The following B4GALNT3 variants were observed in gnomAD, a reference collection of about 807,000 sequenced individuals.
B4GALNT3 encodes the protein beta-1,4-N-acetyl-galactosaminyltransferase 3.
In B4GALNT3, 86 loss-of-function variants were observed where a neutral mutation model predicts 120.2. The observed-to-expected ratio is 0.72, with a 90% CI of 0.60 to 0.86. B4GALNT3 has a LOEUF of 0.86. Among genes scored for constraint, B4GALNT3 ranks in the 40% least tolerant of loss-of-function variants. B4GALNT3 has a pLI of 0.00. For synonymous variants in B4GALNT3, 518 were observed against 510.4 expected (o/e 1.01, Z -0.20); for missense variants, 1,167 against 1,298.9 (o/e 0.90, Z 1.56).
chr12:553,039 T>G, intron 13 of B4GALNT3, 155 bp from the exon 14 acceptor site: 1 of 1,074,876 alleles, frequency 9.3e-7, no homozygotes, highest in Non-Finnish European at 1.3e-6. Flanking sequence ...GTTGAGTACC[T>G]TGCCCAGGGT....
chr12:463,223 G>C (rs1447420969), intron 1 of B4GALNT3, among the ~76,000 whole-genome samples: 1 of 152,200 alleles, frequency 6.6e-6, no homozygotes, highest in East Asian at 1.9e-4. Context: ...TGGAAGAAGA[G>C]TATGGAGAGA....
At chr12:557,345 C>T (rs1017559136) in intron 15 of B4GALNT3, among the ~76,000 whole-genome samples, 1 of 152,040 alleles carries the variant, frequency 6.6e-6, no homozygotes, top group Non-Finnish European at 1.5e-5. Context: ...GACAATGAGC[C>T]CCAGCCAAGG....
intron 2 of B4GALNT3, among the ~76,000 whole-genome samples, 189 bp from the exon 3 acceptor site, chr12:536,029 A>G (rs1174851920): frequency 6.6e-6 from 1 of 152,210 alleles, no homozygotes; most frequent in Non-Finnish European, 1.5e-5. Context: ...AAAATTCAGA[A>G]AAGTGAAGGA....
At chr12:547,691 A>C (rs1161297540) in intron 7 of B4GALNT3, among the ~76,000 whole-genome samples, 1 of 152,064 alleles carries the variant, frequency 6.6e-6, no homozygotes, top group Non-Finnish European at 1.5e-5. Flanking sequence ...CTCCTCTACG[A>C]ACAAGGATTA....
At chr12:528,952 G>A (rs1327532238) in intron 1 of B4GALNT3, among the ~76,000 whole-genome samples, 1 of 152,126 alleles carries the variant, frequency 6.6e-6, no homozygotes, top group East Asian at 1.9e-4. Context: ...TTGAGTGTCT[G>A]GTGACAGTTC....
chr12:543,640 C>T (rs111395775), intron 3 of B4GALNT3, among the ~76,000 whole-genome samples: 71 of 35,474 alleles, frequency 2.0e-3, no homozygotes, highest in South Asian at 5.7e-3. Flanking sequence ...CTCATCTTCC[C>T]GGAGCTGAGG....
intron 2 of B4GALNT3, 50 bp from the exon 3 acceptor site, chr12:536,168 G>A: frequency 6.6e-7 from 1 of 1,523,638 alleles, no homozygotes; most frequent in Non-Finnish European, 9.1e-7. Context: ...CCTGCCCGTA[G>A]CTTCTCATCC....
chr12:482,740 A>C (rs1946253789), intron 1 of B4GALNT3, among the ~76,000 whole-genome samples: 1 of 152,162 alleles, frequency 6.6e-6, no homozygotes, highest in Non-Finnish European at 1.5e-5. Flanking sequence ...ACACACCTAT[A>C]GTTCCGGCTA....
chr12:485,412 C>T (rs952230500), intron 1 of B4GALNT3, among the ~76,000 whole-genome samples: 1 of 152,228 alleles, frequency 6.6e-6, no homozygotes, highest in East Asian at 1.9e-4. Flanking sequence ...CATTTTCTAT[C>T]TCTACTTGGA....
intron 3 of B4GALNT3, among the ~76,000 whole-genome samples, chr12:539,091 G>T (rs915548864): frequency 1.3e-5 from 2 of 152,186 alleles, no homozygotes; most frequent in African/African-American, 4.8e-5. Flanking sequence ...CTGTTTCCCT[G>T]CCCCGAGCTT....
chr12:465,421 A>G (rs565554559), intron 1 of B4GALNT3, among the ~76,000 whole-genome samples: 1 of 152,328 alleles, frequency 6.6e-6, no homozygotes, highest in Non-Finnish European at 1.5e-5. Flanking sequence ...ATCCAAGAAT[A>G]GAACCTAGGA....
chr12:533,567 A>G lies in B4GALNT3; in HGVS notation c.170-1599A>G, dbSNP rs76021244. On this transcript the variant is annotated intron_variant, in intron 1 of 19. Coordinates refer to ENST00000266383, the MANE Select transcript of B4GALNT3 (RefSeq NM_173593.4). ...TATGCCAGAAAGTGACTACAGGAGA[A>G]ATGTGGGCAGAATGAGAAAACCTGG... Among the ~76,000 whole-genome samples, 1,258 of 152,324 alleles carry G rather than the reference A, an allele frequency of 8.3e-3. 14 individuals are homozygous for G. Among genetic ancestry groups the G allele is most frequent in the Non-Finnish European group, 0.012 (849 of 68,032 alleles).
Position 462,425 on chromosome 12 carries a change from G to A in B4GALNT3, c.169+1880G>A, listed in dbSNP as rs535519666. 3.2e-4 allele frequency among the ~76,000 whole-genome samples: 47 copies of A among 149,056 alleles called. 1 individual carries two copies. In the South Asian group the frequency reaches 0.01, roughly 32 times the overall value. ...GCCACAGTCATAATCTGACACTCTGGCCCTCGACCTCTGCCTCTGTCTCCC... is the reference window on the plus strand; with the variant it reads ...GCCACAGTCATAATCTGACACTCTGACCCTCGACCTCTGCCTCTGTCTCCC... On this transcript the variant is annotated intron_variant, in intron 1 of 19. Coordinates refer to ENST00000266383, the MANE Select transcript of B4GALNT3 (RefSeq NM_173593.4).
intron 1 of B4GALNT3, among the ~76,000 whole-genome samples, chr12:512,975 C>T (rs1356938328): frequency 1.4e-5 from 2 of 144,858 alleles, no homozygotes; most frequent in Admixed American, 6.8e-5. Flanking sequence ...CACTTTCCAC[C>T]TTCCACCTTC....
intron 1 of B4GALNT3, among the ~76,000 whole-genome samples, chr12:511,886 T>C (rs1592032397): frequency 3.7e-5 from 3 of 81,552 alleles, no homozygotes; most frequent in Non-Finnish European, 4.9e-5. Context: ...TTCCACCTTC[T>C]TCCACCTTCC....
chr12:560,842 C>T lies in B4GALNT3; in HGVS notation c.2889-501C>T, dbSNP rs560382700. 3.3e-5 allele frequency among the ~76,000 whole-genome samples: 5 copies of T among 152,324 alleles called. No homozygotes were observed. The East Asian group carries it at 9.6e-4, about 29-fold the overall frequency. On this transcript the variant is annotated intron_variant, in intron 19 of 19. Coordinates refer to ENST00000266383, the MANE Select transcript of B4GALNT3 (RefSeq NM_173593.4). Reference sequence around the variant, plus strand: ...GTGCAGCCTCCCTGTGAGAGGGACACCCTGCAGGCTGCACATGCACAAAAG... The same window carrying T: ...GTGCAGCCTCCCTGTGAGAGGGACATCCTGCAGGCTGCACATGCACAAAAG...
intron 1 of B4GALNT3, among the ~76,000 whole-genome samples, chr12:498,172 A>G (rs1946406398): frequency 6.6e-6 from 1 of 152,056 alleles, no homozygotes; most frequent in East Asian, 1.9e-4. Flanking sequence ...GCCCCTGAAG[A>G]GAGATTGTTT....
At chr12:545,554 C>T in intron 6 of B4GALNT3, 85 bp downstream of exon 6, 3 of 1,324,290 alleles carry the variant, frequency 2.3e-6, no homozygotes, top group Non-Finnish European at 3.1e-6. Flanking sequence ...TTACTGTTAG[C>T]ATCTCTGGTG....
At chr12:557,514 C>A in intron 15 of B4GALNT3, 94 bp from the exon 16 acceptor site, 1 of 1,377,534 alleles carries the variant, frequency 7.3e-7, no homozygotes, top group Non-Finnish European at 1.0e-6. Context: ...CCGATGGGCA[C>A]TCCTGACTCA....
Sources: gnomAD v4.1 joint callset for allele counts (sites outside exome capture counted in the v4.1 genomes callset) on GRCh38, gnomAD v4.1.1 for gene constraint, MANE v1.5 for transcripts, NCBI Gene and HGNC (gene_info 2026-07-23, HGNC 2026-07-21) for gene names.